HIPK2: variants seen among roughly 807,000 people sequenced by gnomAD.
The protein encoded by HIPK2 is homeodomain-interacting protein kinase 2.
HIPK2 carries 27 observed loss-of-function variants against 113.7 expected under a neutral mutation model. The ratio of observed to expected loss-of-function variants is 0.24; its 90% confidence interval spans 0.17 to 0.33. The LOEUF (loss-of-function observed/expected upper bound fraction) is 0.33, where lower values mean the gene tolerates loss of function less well. Ranked by LOEUF, HIPK2 falls within the 10% of genes least tolerant of loss-of-function variation. HIPK2 has a pLI of 1.00. For missense variants in HIPK2, 1,257 were observed against 1,588.0 expected (o/e 0.79, Z 3.54); for synonymous variants, 631 against 642.2 (o/e 0.98, Z 0.26).
chr7:139,580,824 C>CTAAG (rs1205231412), intron 13 of HIPK2, among the ~76,000 whole-genome samples: 1 of 152,240 alleles, frequency 6.6e-6, no homozygotes, highest in African/African-American at 2.4e-5. Context: ...TATCTGGCAT[C>CTAAG]TAAGGGCTTA....
intron 7 of HIPK2, among the ~76,000 whole-genome samples, chr7:139,615,588 G>A (rs988981937): frequency 1.3e-5 from 2 of 152,208 alleles, no homozygotes; most frequent in Non-Finnish European, 1.5e-5. Context: ...AGCAAGATAG[G>A]TGGTTACCAG....
At chr7:139,691,841 A>G (rs1794414352) in intron 2 of HIPK2, among the ~76,000 whole-genome samples, 1 of 152,260 alleles carries the variant, frequency 6.6e-6, no homozygotes, top group African/African-American at 2.4e-5. Flanking sequence ...TGCTCTGTCA[A>G]GTACAAAATT....
chr7:139,763,408 C>G (rs1796499853), intron 1 of HIPK2, among the ~76,000 whole-genome samples: 1 of 151,564 alleles, frequency 6.6e-6, no homozygotes, highest in Non-Finnish European at 1.5e-5. Flanking sequence ...GGGATCCAAA[C>G]TACAGACTGG....
At chr7:139,738,331 G>C (rs1041659662) in intron 1 of HIPK2, among the ~76,000 whole-genome samples, 4 of 152,286 alleles carry the variant, frequency 2.6e-5, no homozygotes, top group Non-Finnish European at 4.4e-5. Context: ...ACGCGGAGCT[G>C]TCCAGAGGAG....
intron 9 of HIPK2, among the ~76,000 whole-genome samples, chr7:139,610,440 T>C (rs1344499313): frequency 6.6e-6 from 1 of 152,198 alleles, no homozygotes; most frequent in Non-Finnish European, 1.5e-5. Context: ...CTGATCTATC[T>C]TGGCCTTTTC....
intron 2 of HIPK2, among the ~76,000 whole-genome samples, chr7:139,657,150 C>G (rs1315844073): frequency 6.6e-6 from 1 of 152,210 alleles, no homozygotes; most frequent in Non-Finnish European, 1.5e-5. Flanking sequence ...GGATTACAGG[C>G]ATGAGCCCCC....
intron 14 of HIPK2, 134 bp from the exon 15 acceptor site, chr7:139,573,531 G>A: frequency 1.2e-6 from 1 of 821,198 alleles, no homozygotes. Flanking sequence ...GCTTCCCTCT[G>A]TGTGTTGAGA....
At chr7:139,703,162 TA>T (rs1208261126) in intron 2 of HIPK2, among the ~76,000 whole-genome samples, 8 of 152,296 alleles carry the variant, frequency 5.3e-5, no homozygotes, top group Admixed American at 3.9e-4. Flanking sequence ...TAGAGGTCAT[TA>T]GGGGTAAATA....
At chr7:139,758,445 G>C (rs1057307948) in intron 1 of HIPK2, among the ~76,000 whole-genome samples, 2 of 151,932 alleles carry the variant, frequency 1.3e-5, no homozygotes, top group African/African-American at 4.9e-5. Context: ...CCAAGCCTCA[G>C]AACATACTCT....
Position 139,716,795 on chromosome 7 carries a change from G to A in HIPK2, c.240C>T (p.Tyr80=), listed in dbSNP as rs375422566. 54 of 1,613,948 alleles carry A rather than the reference G, an allele frequency of 3.3e-5. No homozygotes were observed. The highest frequency in any genetic ancestry group is 1.6e-4 in the Middle Eastern group (1 of 6,062). The change falls in exon 2 of 15, where the codon TAC becomes TAT. Residue 80 remains tyrosine, a synonymous_variant. Transcript: ENST00000406875. The surrounding 1 kb of genome is among the most constrained non-coding windows in gnomAD (Gnocchi z 9.3). ...SLPVPNPSLP[Y]EQTIVFPGST... ...TTCCTGGGAAGACGATGGTCTGCTC[G>A]TAAGGTAGGCTTGGGTTTGGGACCG... is the stretch of plus-strand genomic sequence containing the variant.
At chr7:139,740,415 G>A (rs566236671) in intron 1 of HIPK2, among the ~76,000 whole-genome samples, 1 of 152,352 alleles carries the variant, frequency 6.6e-6, no homozygotes, top group East Asian at 1.9e-4. Flanking sequence ...GGCGCTCTGT[G>A]CAAAGTGCAG....
chr7:139,647,065 GCTAA>G (rs756056457), intron 2 of HIPK2, among the ~76,000 whole-genome samples: 1 of 151,352 alleles, frequency 6.6e-6, no homozygotes, highest in African/African-American at 2.4e-5. Flanking sequence ...TTCCTACAAC[GCTAA>G]CTATGTCTCT....
At chr7:139,599,343 C>A (rs1221517112) in intron 11 of HIPK2, among the ~76,000 whole-genome samples, 1 of 152,198 alleles carries the variant, frequency 6.6e-6, no homozygotes, top group Non-Finnish European at 1.5e-5. Context: ...ATAACCCCCC[C>A]TACAATCCAG....
intron 2 of HIPK2, among the ~76,000 whole-genome samples, chr7:139,675,082 T>A (rs1427277711): frequency 6.6e-6 from 1 of 152,222 alleles, no homozygotes; most frequent in African/African-American, 2.4e-5. Flanking sequence ...ATGGGTTTAA[T>A]TGCTTGATCC....
intron 11 of HIPK2, among the ~76,000 whole-genome samples, chr7:139,598,682 G>A (rs1198733038): frequency 6.6e-6 from 1 of 152,194 alleles, no homozygotes; most frequent in African/African-American, 2.4e-5. Flanking sequence ...TCAGCTGGGT[G>A]GTGAGTAAAC....
chr7:139,656,267 A>G (rs987498706), intron 2 of HIPK2, among the ~76,000 whole-genome samples: 2 of 152,114 alleles, frequency 1.3e-5, no homozygotes, highest in Admixed American at 1.3e-4. Context: ...TGGATGCCTC[A>G]AAGTGAAGTC....
At chr7:139,721,934 C>T (rs1795422601) in intron 1 of HIPK2, 3 of 290,608 alleles carry the variant, frequency 1.0e-5, no homozygotes, top group South Asian at 6.1e-5. Context: ...GTCAAAATGG[C>T]CACATTTTCA....
intron 2 of HIPK2, among the ~76,000 whole-genome samples, chr7:139,703,207 G>A (rs1017749428): frequency 4.6e-5 from 7 of 152,156 alleles, no homozygotes; most frequent in Admixed American, 2.6e-4. Context: ...TTTTAAAAAC[G>A]GAAAGTTCTA....
intron 2 of HIPK2, among the ~76,000 whole-genome samples, chr7:139,643,712 C>T (rs1457770172): frequency 1.3e-5 from 2 of 151,820 alleles, no homozygotes; most frequent in African/African-American, 4.8e-5. Context: ...ATAAGAAAAG[C>T]AAGAAGGGAA....
Sources: allele counts gnomAD v4.1 joint callset (sites outside exome capture counted in the v4.1 genomes callset), GRCh38; gene constraint gnomAD v4.1.1; non-coding constraint Gnocchi (gnomAD v3.1); transcripts MANE v1.5; gene names NCBI Gene and HGNC (gene_info 2026-07-23, HGNC 2026-07-21).